The following KCNAB1 variants were observed in gnomAD, a reference collection of about 807,000 sequenced individuals.
KCNAB1 encodes the protein voltage-gated potassium channel subunit beta-1.
A neutral mutation model predicts 64.6 loss-of-function variants in KCNAB1; 35 were observed. The ratio of observed to expected loss-of-function variants is 0.54; its 90% CI spans 0.41 to 0.72. KCNAB1 has a LOEUF of 0.72. Ranked by LOEUF, KCNAB1 falls within the 30% of genes least tolerant of loss-of-function variation. KCNAB1 has a pLI of 0.00. For missense variants in KCNAB1, 401 were observed against 512.9 expected, an observed-to-expected ratio of 0.78 and a Z score of 2.11; for synonymous variants, 177 against 183.8, an observed-to-expected ratio of 0.96 and a Z score of 0.30.
intron 1 of KCNAB1, among the ~76,000 whole-genome samples, chr3:156,323,160 G>T (rs1213450073): frequency 6.6e-6 from 1 of 151,904 alleles, no homozygotes; most frequent in Non-Finnish European, 1.5e-5. Context: ...TTAAGATTGG[G>T]GGCTCACCTA....
chr3:156,202,102 T>A (rs1714369861), intron 1 of KCNAB1, among the ~76,000 whole-genome samples: 1 of 152,160 alleles, frequency 6.6e-6, no homozygotes. Context: ...AAGTTGAGCC[T>A]GTGGGGATGG....
intron 1 of KCNAB1, among the ~76,000 whole-genome samples, chr3:156,212,947 G>A (rs763165283): frequency 3.2e-4 from 48 of 152,146 alleles, no homozygotes; most frequent in Non-Finnish European, 6.2e-4. Context: ...TGGGGAAGCC[G>A]TGGAAGGCTT....
intron 1 of KCNAB1, among the ~76,000 whole-genome samples, chr3:156,249,734 C>T (rs1025451770): frequency 1.2e-4 from 18 of 152,212 alleles, no homozygotes; most frequent in African/African-American, 3.6e-4. Flanking sequence ...AGACCTTATA[C>T]AATCTGATCA....
chr3:156,303,421 T>A (rs1721287312), intron 1 of KCNAB1, among the ~76,000 whole-genome samples: 1 of 152,154 alleles, frequency 6.6e-6, no homozygotes, highest in African/African-American at 2.4e-5. Flanking sequence ...TGCCTATAAT[T>A]TAGTCTCTTG....
intron 1 of KCNAB1, among the ~76,000 whole-genome samples, chr3:156,284,253 G>T (rs1387021914): frequency 6.6e-6 from 1 of 152,114 alleles, no homozygotes; most frequent in East Asian, 1.9e-4. Flanking sequence ...GCCCCTGCTG[G>T]GGGGTGCCTT....
chr3:156,179,416 A>ACCCCCCCCCCCCCC (rs1284524252), intron 1 of KCNAB1, among the ~76,000 whole-genome samples: 2 of 75,944 alleles, frequency 2.6e-5, no homozygotes, highest in Non-Finnish European at 5.3e-5. Context: ...CTGGTTTGGA[A>ACCCCCCCCCCCCCC]CCCCCCCCCC....
At chr3:156,135,982 C>T (rs1714322535) in intron 1 of KCNAB1, among the ~76,000 whole-genome samples, 1 of 152,216 alleles carries the variant, frequency 6.6e-6, no homozygotes, top group Non-Finnish European at 1.5e-5. Context: ...GGGAGAAAGT[C>T]ATATTTAAAG....
At chr3:156,173,617 C>T (rs1292989895) in intron 1 of KCNAB1, among the ~76,000 whole-genome samples, 1 of 152,208 alleles carries the variant, frequency 6.6e-6, no homozygotes, top group Non-Finnish European at 1.5e-5. Context: ...CTTTAAATGA[C>T]AGCATTTATT....
intron 1 of KCNAB1, chr3:156,291,752 C>G: frequency 6.8e-7 from 1 of 1,461,470 alleles, no homozygotes; most frequent in East Asian, 2.5e-5. Context: ...GGGCTTGGCT[C>G]GAAAGTCAGC....
chr3:156,333,923 T>C (rs1198123918), intron 1 of KCNAB1, among the ~76,000 whole-genome samples: 2 of 150,916 alleles, frequency 1.3e-5, no homozygotes, highest in Non-Finnish European at 2.9e-5. Flanking sequence ...GTTGGTCTTT[T>C]CATGTTGATG....
rs563979748 is a variant in KCNAB1 at position 156,515,293 on chromosome 3, A to C, written c.865+73A>C. On this transcript the variant is annotated intron_variant, in intron 10 of 13. Coordinates refer to ENST00000490337, the MANE Select transcript of KCNAB1 (RefSeq NM_172160.3). ...TCACTGATTCGGGGAAAAAATAAAA[A>C]CAGTGTTATTGAAATGCTTTCCTAA... 78 of 1,414,514 alleles carry C rather than the reference A, an allele frequency of 5.5e-5. No individual in the cohort carries two copies. The African/African-American group carries it at 6.7e-4, about 12-fold the overall frequency. The allele number at this position is 1,414,514 out of a possible 1,614,324, so 87.6% of individuals were successfully genotyped here.
At chr3:156,372,917 C>G (rs1270506814) in intron 1 of KCNAB1, among the ~76,000 whole-genome samples, 3 of 152,198 alleles carry the variant, frequency 2.0e-5, no homozygotes, top group Non-Finnish European at 4.4e-5. Flanking sequence ...CTCAGGTCCT[C>G]TCTGTTTTGA....
chr3:156,404,122 A>C (rs1196416776), intron 1 of KCNAB1, among the ~76,000 whole-genome samples: 1 of 152,206 alleles, frequency 6.6e-6, no homozygotes, highest in Non-Finnish European at 1.5e-5. Context: ...AAAAACGTGT[A>C]TATTGGAGTT....
intron 1 of KCNAB1, among the ~76,000 whole-genome samples, chr3:156,275,344 C>A (rs1381247574): frequency 6.6e-6 from 1 of 152,134 alleles, no homozygotes; most frequent in Non-Finnish European, 1.5e-5. Flanking sequence ...AGTGAGTAAT[C>A]TTTTTGTTAG....
Position 156,281,896 on chromosome 3 carries a change from T to A in KCNAB1, c.276-139720T>A, listed in dbSNP as rs1404491971. Among the ~76,000 whole-genome samples the A allele has an allele frequency of 7.9e-3, 1,165 of 148,184 alleles. 9 individuals carry two copies. Among genetic ancestry groups the A allele is most frequent in the African/African-American group, 0.028 (1,113 of 39,694 alleles). On this transcript the variant is annotated intron_variant, in intron 1 of 13. Coordinates refer to ENST00000490337, the MANE Select transcript of KCNAB1 (RefSeq NM_172160.3). ...TCTTGCTAGCGGTCTATCAATTTTGTTGATCCTTTCAAAAAACCAGCTCCT... is the reference window on the plus strand; with the variant it reads ...TCTTGCTAGCGGTCTATCAATTTTGATGATCCTTTCAAAAAACCAGCTCCT...
intron 1 of KCNAB1, among the ~76,000 whole-genome samples, chr3:156,349,793 G>A (rs906211685): frequency 4.5e-4 from 69 of 152,118 alleles, no homozygotes; most frequent in African/African-American, 1.6e-3. Flanking sequence ...GTAAACTCCT[G>A]GGCTCCAGCA....
chr3:156,176,915 G>A, intron 1 of KCNAB1: 8 of 1,017,990 alleles, frequency 7.9e-6, no homozygotes, highest in Middle Eastern at 2.7e-4. Context: ...CTATCATGGC[G>A]GCAACCGGAT....
At chr3:156,509,257 G>C (rs1717025112) in intron 8 of KCNAB1, among the ~76,000 whole-genome samples, 1 of 152,212 alleles carries the variant, frequency 6.6e-6, no homozygotes, top group South Asian at 2.1e-4. Flanking sequence ...CTTGGGAATA[G>C]TATAAAGCAG....
At chr3:156,338,692 AGACCCATT>A (rs1428509434) in intron 1 of KCNAB1, among the ~76,000 whole-genome samples, 1 of 152,214 alleles carries the variant, frequency 6.6e-6, no homozygotes, top group Non-Finnish European at 1.5e-5. Flanking sequence ...GAGAGAAAAC[AGACCCATT>A]GGGTCTCTAT....
Sources: allele counts gnomAD v4.1 joint callset (sites outside exome capture counted in the v4.1 genomes callset), GRCh38; gene constraint gnomAD v4.1.1; transcripts MANE v1.5; gene names NCBI Gene and HGNC (gene_info 2026-07-23, HGNC 2026-07-21).